SLC30A6: variants seen among roughly 807,000 people sequenced by gnomAD.
The protein encoded by SLC30A6 is zinc transporter 6.
A neutral mutation model predicts 63.0 loss-of-function variants in SLC30A6; 55 were observed. The observed-to-expected ratio is 0.87, with a 90% confidence interval of 0.70 to 1.09. SLC30A6 has a LOEUF of 1.09. Among genes scored for constraint, SLC30A6 ranks in the 50% least tolerant of loss-of-function variants. The pLI is 0.00. For synonymous variants in SLC30A6, 224 were observed against 186.1 expected (o/e 1.20, Z -1.66); for missense variants, 587 against 549.2 (o/e 1.07, Z -0.69).
chr2:32,211,769 C>T (rs1685275604), intron 13 of SLC30A6, among the ~76,000 whole-genome samples: 1 of 152,070 alleles, frequency 6.6e-6, no homozygotes. Context: ...AGGCACGCAC[C>T]ACCACGCCCA....
Position 32,197,335 on chromosome 2 carries a change from T to A in SLC30A6, c.497-9T>A. 6.2e-7 allele frequency: 1 copy of A among 1,609,302 alleles called. No individual in the cohort carries two copies. Among genetic ancestry groups the A allele is most frequent in the Non-Finnish European group, 8.5e-7 (1 of 1,177,852 alleles). ...CTATATAGATAATTTAAGTATTTTC[T>A]TCTTAAAGCTGCTAGTACGAGCTGG... On this transcript the variant is annotated splice_polypyrimidine_tract_variant and intron_variant, in intron 8 of 13. Coordinates refer to ENST00000282587, the MANE Select transcript of SLC30A6 (RefSeq NM_017964.5).
chr2:32,172,218 G>T (rs369757104), intron 2 of SLC30A6, among the ~76,000 whole-genome samples: 4 of 152,186 alleles, frequency 2.6e-5, no homozygotes, highest in African/African-American at 9.6e-5. Context: ...AATATTTGAT[G>T]ACTTTTAAGT....
At chr2:32,198,923 A>G (rs1684032254) in intron 10 of SLC30A6, among the ~76,000 whole-genome samples, 1 of 152,128 alleles carries the variant, frequency 6.6e-6, no homozygotes, top group East Asian at 1.9e-4. Context: ...CATTACCACC[A>G]TCCATCTCCA....
chr2:32,171,134 A>G (rs904393777), intron 1 of SLC30A6, among the ~76,000 whole-genome samples, 153 bp from the exon 2 acceptor site: 7 of 152,234 alleles, frequency 4.6e-5, no homozygotes, highest in African/African-American at 1.7e-4. Context: ...AAATCCATAA[A>G]TACACATAAA....
At chr2:32,193,284 A>T (rs959718785) in intron 7 of SLC30A6, among the ~76,000 whole-genome samples, 3 of 152,106 alleles carry the variant, frequency 2.0e-5, no homozygotes, top group African/African-American at 4.8e-5. Flanking sequence ...GCACCTGTAG[A>T]AAAGAGAATT....
intron 2 of SLC30A6, among the ~76,000 whole-genome samples, chr2:32,173,677 T>G (rs1681441106): frequency 6.6e-6 from 1 of 152,150 alleles, no homozygotes; most frequent in African/African-American, 2.4e-5. Flanking sequence ...ATTACTAACT[T>G]TTAGGAACAT....
chr2:32,178,431 T>A (rs1328783303), intron 4 of SLC30A6, among the ~76,000 whole-genome samples: 1 of 152,064 alleles, frequency 6.6e-6, no homozygotes, highest in Non-Finnish European at 1.5e-5. Context: ...CCCAGCACTT[T>A]GGGAGGCCAA....
rs183981979 is a variant in SLC30A6, at chr2:32,220,594, A to G, written c.1267A>G (p.Met423Val). The change falls in exon 14 of 14, where the codon ATG (methionine) becomes GTG (valine). Residue 423 changes from methionine to valine, a missense_variant. Coordinates refer to ENST00000282587, the MANE Select transcript of SLC30A6 (RefSeq NM_017964.5). ...LNHGHTPYSS[M>V]LNQGLGVPGI... ...TCATGGACACACACCTTACAGCAGCATGCTTAATCAAGGACTTGGAGTTCC... is the reference window on the plus strand; with the variant it reads ...TCATGGACACACACCTTACAGCAGCGTGCTTAATCAAGGACTTGGAGTTCC... 3.3e-5 allele frequency: 53 copies of G among 1,614,224 alleles called. No individual in the cohort carries two copies. The Admixed American group carries it at 8.7e-4, about 26-fold the overall frequency.
rs202232137 is a variant in SLC30A6, at chr2:32,220,356, T to C, written c.1029T>C (p.Ser343=). Residue 343 remains serine (S), a synonymous_variant, in exon 14 of 14, where the codon TCT becomes TCC. Transcript: ENST00000282587. The part of the protein sequence containing the change: ...KDDWIRPALL[S]GPVAANVLNF... Reference sequence around the variant, plus strand: ...ACTGGATTAGGCCTGCCTTATTGTCTGGGCCTGTTGCAGCCAATGTCCTAA... The same window carrying C: ...ACTGGATTAGGCCTGCCTTATTGTCCGGGCCTGTTGCAGCCAATGTCCTAA... 6 of 1,614,208 alleles carry C rather than the reference T, an allele frequency of 3.7e-6. No homozygotes were observed. The highest frequency in any genetic ancestry group is 2.2e-5 in the East Asian group (1 of 44,884).
intron 4 of SLC30A6, among the ~76,000 whole-genome samples, chr2:32,176,022 G>A (rs994084550): frequency 6.6e-6 from 1 of 152,032 alleles, no homozygotes; most frequent in Non-Finnish European, 1.5e-5. Flanking sequence ...AAAACTCTAG[G>A]TAGCAAATGT....
chr2:32,187,192 A>G (rs941942109), intron 5 of SLC30A6: 1 of 470,942 alleles, frequency 2.1e-6, no homozygotes, highest in Non-Finnish European at 4.4e-6. Context: ...CTCTCAGACC[A>G]CTTTTCTCCA....
chr2:32,197,968 G>A, intron 10 of SLC30A6, 142 bp downstream of exon 10: 2 of 957,494 alleles, frequency 2.1e-6, no homozygotes, highest in Non-Finnish European at 3.0e-6. Flanking sequence ...TTCCTTAGGT[G>A]TCTTCATCTG....
intron 10 of SLC30A6, among the ~76,000 whole-genome samples, chr2:32,200,899 A>C (rs1684235640): frequency 6.6e-6 from 1 of 152,194 alleles, no homozygotes. Context: ...TGAAGTTGTC[A>C]GCACAGAGTC....
At chr2:32,211,168 A>G (rs1049173501) in intron 13 of SLC30A6, among the ~76,000 whole-genome samples, 2 of 152,194 alleles carry the variant, frequency 1.3e-5, no homozygotes, top group Non-Finnish European at 2.9e-5. Context: ...CCTCGACTGT[A>G]CACCATGGCT....
chr2:32,177,520 GACCTCA>G (rs1681870103), intron 4 of SLC30A6: 1 of 225,840 alleles, frequency 4.4e-6, no homozygotes, highest in Non-Finnish European at 9.4e-6. Context: ...TCAAACTCCT[GACCTCA>G]AGTGGTCCAC....
chr2:32,187,084 C>T (rs894647216), intron 5 of SLC30A6: 3 of 447,262 alleles, frequency 6.7e-6, no homozygotes, highest in Non-Finnish European at 1.4e-5. Context: ...AACCAAACTA[C>T]TGTGGGAAGA....
chr2:32,184,626 G>A lies in SLC30A6; in HGVS notation c.284+288G>A, dbSNP rs139257022. Reference sequence around the variant, plus strand: ...CTAAAAATACAAAAATTAGCCAGGCGTGGTGGCATGCACCTGTAATTCCAG... The same window carrying A: ...CTAAAAATACAAAAATTAGCCAGGCATGGTGGCATGCACCTGTAATTCCAG... On this transcript the variant is annotated intron_variant, in intron 5 of 13. Transcript: ENST00000282587. Among the ~76,000 whole-genome samples the A allele has an allele frequency of 7.4e-3, 1,131 of 152,168 alleles. 10 individuals are homozygous for A. The highest frequency in any genetic ancestry group is 0.037 in the Middle Eastern group (11 of 294).
intron 10 of SLC30A6, chr2:32,202,695 G>C: frequency 1.5e-6 from 1 of 666,296 alleles, no homozygotes; most frequent in Non-Finnish European, 2.8e-6. Flanking sequence ...GTTAGAGTTA[G>C]GTTTTGCTGA....
At chr2:32,191,652 G>C (rs1558396108) in intron 5 of SLC30A6, among the ~76,000 whole-genome samples, 1 of 152,134 alleles carries the variant, frequency 6.6e-6, no homozygotes, top group Non-Finnish European at 1.5e-5. Context: ...GTTTGAGTTT[G>C]AAAACCTTCT....
Sources: allele counts gnomAD v4.1 joint callset (sites outside exome capture counted in the v4.1 genomes callset), GRCh38; gene constraint gnomAD v4.1.1; transcripts MANE v1.5; gene names NCBI Gene and HGNC (gene_info 2026-07-23, HGNC 2026-07-21).